GABRG1: variants seen among roughly 807,000 people sequenced by gnomAD.
GABRG1 encodes gamma-aminobutyric acid type A receptor subunit gamma1, also known as gamma-aminobutyric acid receptor subunit gamma-1.
A neutral mutation model predicts 49.8 loss-of-function variants in GABRG1; 49 were observed. The ratio of observed to expected loss-of-function variants is 0.98; its 90% CI spans 0.78 to 1.25. The LOEUF is 1.25. GABRG1 is among the 50% of genes most tolerant of loss of function. The pLI is 0.00. For missense variants in GABRG1, 552 were observed against 552.3 expected (o/e 1.00, Z 0.01); for synonymous variants, 232 against 185.1 (o/e 1.25, Z -2.06).
intron 4 of GABRG1, 44 bp downstream of exon 4, chr4:46,065,320 G>T: frequency 7.6e-7 from 1 of 1,314,592 alleles, no homozygotes; most frequent in Non-Finnish European, 1.1e-6. Flanking sequence ...ATATTAGTAT[G>T]GAAAATAAAT....
chr4:46,119,363 A>G (rs1438058812), intron 1 of GABRG1, among the ~76,000 whole-genome samples: 2 of 151,394 alleles, frequency 1.3e-5, no homozygotes, highest in South Asian at 4.1e-4. Context: ...ATAATCTGAG[A>G]GATGTGGTAG....
chr4:46,078,219 C>T (rs536730262), intron 3 of GABRG1, among the ~76,000 whole-genome samples: 47 of 151,988 alleles, frequency 3.1e-4, no homozygotes, highest in African/African-American at 1.1e-3. Context: ...CAATTAATCA[C>T]ATCTAAGAAG....
At chr4:46,062,289 G>T (rs1718726043) in intron 5 of GABRG1, among the ~76,000 whole-genome samples, 1 of 151,656 alleles carries the variant, frequency 6.6e-6, no homozygotes, top group African/African-American at 2.4e-5. Context: ...TGGACATTTG[G>T]GTTGGTTCCA....
intron 8 of GABRG1, among the ~76,000 whole-genome samples, chr4:46,043,950 CT>C: frequency 6.6e-6 from 1 of 151,876 alleles, no homozygotes; most frequent in East Asian, 1.9e-4. Flanking sequence ...CTTATACCAT[CT>C]GATAATTATT....
At chr4:46,056,860 C>T (rs1473116641) in intron 7 of GABRG1, among the ~76,000 whole-genome samples, 2 of 152,062 alleles carry the variant, frequency 1.3e-5, no homozygotes, top group African/African-American at 2.4e-5. Context: ...TCTGGCTGTG[C>T]TTACCTTTAT....
At chr4:46,085,163 G>A (rs1002498188) in intron 2 of GABRG1, among the ~76,000 whole-genome samples, 1 of 151,116 alleles carries the variant, frequency 6.6e-6, no homozygotes, top group Non-Finnish European at 1.5e-5. Flanking sequence ...AAAGCTGAAC[G>A]TTGTCTACAT....
intron 8 of GABRG1, among the ~76,000 whole-genome samples, chr4:46,047,313 T>C (rs1258589966): frequency 1.3e-5 from 2 of 152,116 alleles, no homozygotes; most frequent in East Asian, 3.9e-4. Flanking sequence ...GTTCCCTCTA[T>C]CTTAAATGTT....
At chr4:46,087,310 G>A (rs899941235) in intron 2 of GABRG1, among the ~76,000 whole-genome samples, 4 of 151,426 alleles carry the variant, frequency 2.6e-5, no homozygotes, top group South Asian at 2.1e-4. Context: ...TGGGAAGTGG[G>A]GCCAAGTATT....
chr4:46,063,724 A>G (rs1222259754), intron 5 of GABRG1, among the ~76,000 whole-genome samples: 1 of 152,098 alleles, frequency 6.6e-6, no homozygotes. Flanking sequence ...AAAAGAAACT[A>G]CCATCAGAGT....
At position 46,037,212 on chromosome 4, in the gene GABRG1, A is replaced by G. The variant is rs1489047145; in HGVS notation, c.*3776T>C. ...TTAGAACAGTACTTTGTACACAGAA[A>G]GTGCTGCATATATATTTGAATGAGG... is the stretch of plus-strand genomic sequence containing the variant. On this transcript the variant is annotated 3_prime_UTR_variant, in exon 9 of 9. Coordinates refer to ENST00000295452, the MANE Select transcript of GABRG1 (RefSeq NM_173536.4). 6.6e-6 allele frequency: 1 copy of G among 151,852 alleles called. No homozygotes were observed. Among genetic ancestry groups the G allele is most frequent in the African/African-American group, 2.4e-5 (1 of 41,402 alleles). The allele number at this position is 151,852 out of a possible 1,614,324, so 9.4% of individuals were successfully genotyped here. A position where few individuals can be genotyped will look rare whatever the true frequency, so the allele number is the denominator to read the frequency against.
Position 46,038,286 on chromosome 4 carries a change from A to G in GABRG1, c.*2702T>C, listed in dbSNP as rs1171104659. 6.6e-6 allele frequency: 1 copy of G among 151,682 alleles called. No homozygotes were observed. The allele number at this position is 151,682 out of a possible 1,614,324, so 9.4% of individuals were successfully genotyped here. On this transcript the variant is annotated 3_prime_UTR_variant, in exon 9 of 9. Transcript: ENST00000295452. ...TTGTCCATGGAATTCGAAGATAAAT[A>G]AAATATTACCCTGTCATTGTAAATC...
At chr4:46,123,471 C>A (rs1194950711) in intron 1 of GABRG1, among the ~76,000 whole-genome samples, 1 of 151,978 alleles carries the variant, frequency 6.6e-6, no homozygotes, top group East Asian at 1.9e-4. Context: ...CCAGAAAGTT[C>A]TTCGGTGGCA....
At position 46,089,074 on chromosome 4, in the gene GABRG1, A is replaced by G. The variant is rs563862029; in HGVS notation, c.254-5021T>C. Reference sequence around the variant, plus strand: ...TTTCTTGTGGGTATAAAGCACGCCAAAAGAAAATAACTTGGTTAGCAGCGT... The same window carrying G: ...TTTCTTGTGGGTATAAAGCACGCCAGAAGAAAATAACTTGGTTAGCAGCGT... On this transcript the variant is annotated intron_variant, in intron 2 of 8. Transcript: ENST00000295452. Among the ~76,000 whole-genome samples, 21 of 152,074 alleles carry G rather than the reference A, an allele frequency of 1.4e-4. No homozygotes were observed. The South Asian group carries it at 3.9e-3, about 29-fold the overall frequency.
chr4:46,070,338 A>G (rs941427533), intron 3 of GABRG1, among the ~76,000 whole-genome samples: 3 of 151,938 alleles, frequency 2.0e-5, no homozygotes, highest in Non-Finnish European at 2.9e-5. Context: ...ATAAAAATCA[A>G]AAGAGTAAAA....
intron 3 of GABRG1, among the ~76,000 whole-genome samples, chr4:46,070,908 T>G (rs1210928583): frequency 4.6e-5 from 7 of 152,044 alleles, no homozygotes; most frequent in Non-Finnish European, 1.0e-4. Context: ...GATTTCAATG[T>G]GAATCACATC....
At chr4:46,053,774 A>T (rs1189091013) in intron 7 of GABRG1, among the ~76,000 whole-genome samples, 1 of 152,052 alleles carries the variant, frequency 6.6e-6, no homozygotes, top group Non-Finnish European at 1.5e-5. Context: ...AAAACTAAGC[A>T]GAACTTTGCT....
At chr4:46,098,827 T>C (rs1159026129) in intron 1 of GABRG1, among the ~76,000 whole-genome samples, 1 of 151,698 alleles carries the variant, frequency 6.6e-6, no homozygotes, top group Non-Finnish European at 1.5e-5. Context: ...ACATCTGCTT[T>C]GTAGGCTCTC....
At position 46,035,879 on chromosome 4, in the gene GABRG1, A is replaced by T. The variant is rs1717499840; in HGVS notation, c.*5109T>A. 1 of 152,020 alleles carries T rather than the reference A, an allele frequency of 6.6e-6. No homozygotes were observed. The highest frequency in any genetic ancestry group is 1.5e-5 in the Non-Finnish European group (1 of 67,906). The allele number at this position is 152,020 out of a possible 1,614,324, so 9.4% of individuals were successfully genotyped here. On this transcript the variant is annotated 3_prime_UTR_variant, in exon 9 of 9. Transcript: ENST00000295452. The stretch of plus-strand genomic sequence containing the variant: ...ATTGAGACACCTTTGCCACAAAATT[A>T]CAAATGTTCCTCAAAACAATGAGGC...
intron 3 of GABRG1, among the ~76,000 whole-genome samples, chr4:46,074,503 T>C (rs1719251955): frequency 6.6e-6 from 1 of 152,152 alleles, no homozygotes; most frequent in African/African-American, 2.4e-5. Flanking sequence ...CTATTGCACA[T>C]GTCACAAAGC....
Sources: gnomAD v4.1 joint callset for allele counts (sites outside exome capture counted in the v4.1 genomes callset) on GRCh38, gnomAD v4.1.1 for gene constraint, MANE v1.5 for transcripts, NCBI Gene and HGNC (gene_info 2026-07-23, HGNC 2026-07-21) for gene names.